SSBP2: variants seen among roughly 807,000 people sequenced by gnomAD.
SSBP2 encodes single-stranded DNA-binding protein 2.
In SSBP2, 17 loss-of-function variants were observed where a neutral mutation model predicts 61.8. The ratio of observed to expected loss-of-function variants is 0.28; its 90% CI spans 0.19 to 0.41. SSBP2 has a LOEUF of 0.41. SSBP2 is among the 10% of genes least tolerant of loss of function. The pLI is 1.00. For synonymous variants in SSBP2, 139 were observed against 141.3 expected, an observed-to-expected ratio of 0.98 and a Z score of 0.12; for missense variants, 310 against 458.7, an observed-to-expected ratio of 0.68 and a Z score of 2.96.
intron 3 of SSBP2, among the ~76,000 whole-genome samples, chr5:81,626,486 G>A (rs972759125): frequency 2.0e-5 from 3 of 152,190 alleles, no homozygotes; most frequent in South Asian, 2.1e-4. Context: ...TGTTTCTAAC[G>A]TGAGTGTGGT....
At position 81,440,539 on chromosome 5, in the gene SSBP2, T is replaced by A; in HGVS notation, c.928+19A>T. 6.2e-7 allele frequency: 1 copy of A among 1,602,686 alleles called. No homozygotes were observed. The highest frequency in any genetic ancestry group is 8.5e-7 in the Non-Finnish European group (1 of 1,170,758). ...TTTTGTTATGAATTTATTCTAAACA[T>A]CAAATTGAAAAGCCTTACCTAAAGA... On this transcript the variant is annotated intron_variant, in intron 14 of 16. Transcript: ENST00000320672.
At chr5:81,500,175 T>C (rs1037104198) in intron 5 of SSBP2, among the ~76,000 whole-genome samples, 3 of 152,206 alleles carry the variant, frequency 2.0e-5, no homozygotes, top group Non-Finnish European at 4.4e-5. Context: ...ATCTGAACTA[T>C]GTAAGATGGT....
At chr5:81,439,667 G>GTT (rs61650905) in intron 14 of SSBP2, among the ~76,000 whole-genome samples, 146 of 100,118 alleles carry the variant, frequency 1.5e-3, no homozygotes, top group Non-Finnish European at 1.8e-3. Context: ...TGCCCAGCTA[G>GTT]TTTTTTTTTT....
chr5:81,639,452 C>T (rs1329879792), intron 2 of SSBP2, among the ~76,000 whole-genome samples: 3 of 151,912 alleles, frequency 2.0e-5, no homozygotes, highest in Non-Finnish European at 4.4e-5. Flanking sequence ...GGAAATTACA[C>T]CTCAGTAAGG....
chr5:81,425,427 G>A (rs1315104534), intron 16 of SSBP2, among the ~76,000 whole-genome samples: 1 of 152,128 alleles, frequency 6.6e-6, no homozygotes, highest in Non-Finnish European at 1.5e-5. Flanking sequence ...AAATGACAAA[G>A]GGGGTAAGGG....
chr5:81,432,169 C>T (rs1002942988), intron 15 of SSBP2, among the ~76,000 whole-genome samples: 6 of 152,026 alleles, frequency 3.9e-5, no homozygotes, highest in Non-Finnish European at 2.9e-5. Context: ...CAGTCATTCT[C>T]CCAGTGGGCA....
chr5:81,547,101 A>C (rs1278402477), intron 4 of SSBP2, among the ~76,000 whole-genome samples: 2 of 151,662 alleles, frequency 1.3e-5, no homozygotes, highest in African/African-American at 2.4e-5. Flanking sequence ...CAGAACACTA[A>C]CACCACCATA....
intron 1 of SSBP2, among the ~76,000 whole-genome samples, chr5:81,696,598 CACAGTTGTTAGTTCTGGAGTTCAACTATA>C (rs1753616934): frequency 6.6e-6 from 1 of 152,136 alleles, no homozygotes; most frequent in South Asian, 2.1e-4. Context: ...AATGGGAAAC[CACAGTTGTTAGTTCTGGAGTTCAACTATA>C]ACCATCTGGC....
intron 1 of SSBP2, among the ~76,000 whole-genome samples, chr5:81,727,869 C>A (rs774581811): frequency 1.3e-5 from 2 of 152,052 alleles, no homozygotes; most frequent in African/African-American, 2.4e-5. Context: ...TTACAGGATA[C>A]AAGTGAAACA....
chr5:81,655,882 G>C (rs2153727203), intron 1 of SSBP2, among the ~76,000 whole-genome samples: 1 of 152,252 alleles, frequency 6.6e-6, no homozygotes, highest in South Asian at 2.1e-4. Context: ...CCTTCAACTA[G>C]GCTTCATGAA....
chr5:81,710,807 T>C (rs1264816887), intron 1 of SSBP2: 3 of 390,298 alleles, frequency 7.7e-6, no homozygotes, highest in East Asian at 7.8e-5. Context: ...ATATAAGGAA[T>C]AGGCAAAAAT....
intron 9 of SSBP2, among the ~76,000 whole-genome samples, chr5:81,466,148 T>C (rs16898954): frequency 0.13 from 19,051 of 151,940 alleles, 2,725 homozygotes; most frequent in African/African-American, 0.35. Flanking sequence ...TATGGAACAC[T>C]TTCATTACTT....
At chr5:81,578,782 A>AT (rs199691068) in intron 4 of SSBP2, among the ~76,000 whole-genome samples, 58 of 149,512 alleles carry the variant, frequency 3.9e-4, no homozygotes, top group Middle Eastern at 3.4e-3. Context: ...AGATCTCTTC[A>AT]TTTTTTTTTT....
intron 10 of SSBP2, among the ~76,000 whole-genome samples, chr5:81,452,806 GA>G (rs1763862762): frequency 6.6e-6 from 1 of 152,096 alleles, no homozygotes; most frequent in African/African-American, 2.4e-5. Context: ...CAAACTTTTA[GA>G]AATGCAGGTC....
intron 4 of SSBP2, among the ~76,000 whole-genome samples, chr5:81,556,527 A>G (rs896185708): frequency 1.3e-5 from 2 of 152,098 alleles, no homozygotes; most frequent in Non-Finnish European, 2.9e-5. Flanking sequence ...GAAACCTACA[A>G]GTTTATATGC....
intron 6 of SSBP2, among the ~76,000 whole-genome samples, 197 bp downstream of exon 6, chr5:81,489,053 T>A (rs1766651804): frequency 6.6e-6 from 1 of 152,164 alleles, no homozygotes; most frequent in Non-Finnish European, 1.5e-5. Flanking sequence ...TCTGTGTGGA[T>A]GTTTTTCAAT....
intron 1 of SSBP2, among the ~76,000 whole-genome samples, chr5:81,653,335 T>C (rs547902225): frequency 6.6e-6 from 1 of 152,348 alleles, no homozygotes; most frequent in Admixed American, 6.5e-5. Context: ...ATTTTCTTTA[T>C]CCAGTCTATC....
At chr5:81,583,907 T>A (rs1476661632) in intron 4 of SSBP2, among the ~76,000 whole-genome samples, 1 of 152,226 alleles carries the variant, frequency 6.6e-6, no homozygotes, top group Non-Finnish European at 1.5e-5. Context: ...TTCCAACTAG[T>A]GTTAATACCC....
chr5:81,476,596 T>G (rs1214984642), intron 6 of SSBP2, among the ~76,000 whole-genome samples: 1 of 152,236 alleles, frequency 6.6e-6, no homozygotes, highest in East Asian at 1.9e-4. Context: ...CAAATTATGT[T>G]GATCTATCCC....
Sources: gnomAD v4.1 joint callset for allele counts (sites outside exome capture counted in the v4.1 genomes callset) on GRCh38, gnomAD v4.1.1 for gene constraint, MANE v1.5 for transcripts, NCBI Gene and HGNC (gene_info 2026-07-23, HGNC 2026-07-21) for gene names.